SOBP: variants seen among roughly 807,000 people sequenced by gnomAD.
SOBP encodes the protein sine oculis-binding protein homolog.
In SOBP, 4 loss-of-function variants were observed where a neutral mutation model predicts 53.6. The observed-to-expected ratio is 0.07, with a 90% CI of 0.04 to 0.17. The LOEUF is 0.17. SOBP is among the 10% of genes least tolerant of loss of function. The pLI is 1.00. For missense variants in SOBP, 1,088 were observed against 1,204.7 expected (o/e 0.90, Z 1.43); for synonymous variants, 584 against 522.6 (o/e 1.12, Z -1.60).
chr6:107,510,108 T>C (rs1031529643), intron 3 of SOBP, among the ~76,000 whole-genome samples: 1 of 152,332 alleles, frequency 6.6e-6, no homozygotes, highest in African/African-American at 2.4e-5. Context: ...GATAGTATTT[T>C]AGACTTTTTA....
chr6:107,516,307 C>G (rs970810962), intron 3 of SOBP, among the ~76,000 whole-genome samples: 14 of 151,984 alleles, frequency 9.2e-5, no homozygotes, highest in African/African-American at 3.1e-4. Flanking sequence ...ACTAAAAATA[C>G]AAAAATTAGT....
chr6:107,534,809 G>A (rs1164341124), intron 4 of SOBP, among the ~76,000 whole-genome samples: 4 of 152,226 alleles, frequency 2.6e-5, no homozygotes, highest in Admixed American at 2.6e-4. Context: ...ACTGTCAGCA[G>A]TCAAGTTCAC....
intron 4 of SOBP, among the ~76,000 whole-genome samples, chr6:107,547,428 C>A (rs1044665357): frequency 6.6e-6 from 1 of 152,158 alleles, no homozygotes; most frequent in Non-Finnish European, 1.5e-5. Flanking sequence ...AAGCTATGTC[C>A]CTTCTCACAG....
intron 5 of SOBP, among the ~76,000 whole-genome samples, chr6:107,622,826 T>C (rs1319886560): frequency 6.6e-6 from 1 of 152,222 alleles, no homozygotes. Context: ...GTATAAAATA[T>C]GGAGCAGACA....
At chr6:107,495,035 T>A (rs554981709) in intron 1 of SOBP, among the ~76,000 whole-genome samples, 1 of 152,304 alleles carries the variant, frequency 6.6e-6, no homozygotes, top group East Asian at 1.9e-4. Context: ...TTAAAACAGG[T>A]ATATTTTAAG....
intron 4 of SOBP, among the ~76,000 whole-genome samples, chr6:107,565,609 G>T (rs1302374332): frequency 1.3e-5 from 2 of 152,188 alleles, no homozygotes; most frequent in Non-Finnish European, 2.9e-5. Context: ...GAATGAGATA[G>T]GTGTGGGATG....
Position 107,634,559 on chromosome 6 carries a change from C to T in SOBP, c.1715C>T (p.Ala572Val). ...FIPNAPGDSAAAGGKPSGHSL... is the reference protein window; with the variant it reads ...FIPNAPGDSAVAGGKPSGHSL... The stretch of plus-strand genomic sequence containing the variant: ...CCGAACGCCCCTGGCGACTCCGCGG[C>T]GGCGGGCGGCAAGCCAAGCGGACAC... The change falls in exon 6 of 7, where the codon GCG becomes GTG. Residue 572 changes from alanine (A) to valine (V), a missense_variant. By Grantham distance (64) the Ala-to-Val change is moderately conservative. This residue lies in a region of SOBP where 665 missense variants were observed against 629.7 expected (regional missense o/e 1.06). Transcript: ENST00000317357. The surrounding 1 kb of genome is among the most constrained non-coding windows in gnomAD (Gnocchi z 4.5). 6.2e-6 allele frequency: 10 copies of T among 1,607,108 alleles called. No homozygotes were observed. The highest frequency in any genetic ancestry group is 8.5e-6 in the Non-Finnish European group (10 of 1,179,756).
At chr6:107,633,398 C>T in intron 5 of SOBP, 116 bp from the exon 6 acceptor site, 3 of 1,267,756 alleles carry the variant, frequency 2.4e-6, no homozygotes, top group Non-Finnish European at 2.3e-6. Context: ...AACAGTTCTG[C>T]CTGTTTGAGA....
intron 3 of SOBP, among the ~76,000 whole-genome samples, chr6:107,521,221 A>G (rs1335029776): frequency 4.0e-5 from 6 of 148,908 alleles, no homozygotes; most frequent in Non-Finnish European, 8.9e-5. Flanking sequence ...TTTACACCAT[A>G]TCAAATGCAG....
intron 4 of SOBP, among the ~76,000 whole-genome samples, chr6:107,538,109 G>T (rs898777902): frequency 1.3e-5 from 2 of 152,156 alleles, no homozygotes; most frequent in East Asian, 3.9e-4. Flanking sequence ...CTTCTTAGAA[G>T]ACATTTCTTT....
intron 3 of SOBP, chr6:107,529,386 C>T (rs568909795): frequency 1.9e-5 from 18 of 943,980 alleles, no homozygotes; most frequent in African/African-American, 1.6e-4. Context: ...CAGGAGTCTC[C>T]TCAGACTGCC....
chr6:107,526,685 C>A (rs1327255948), intron 3 of SOBP, among the ~76,000 whole-genome samples: 1 of 152,154 alleles, frequency 6.6e-6, no homozygotes, highest in African/African-American at 2.4e-5. Context: ...TTCTTTATAT[C>A]TGTATCTATG....
chr6:107,640,356 T>C (rs1364107647), intron 6 of SOBP, among the ~76,000 whole-genome samples: 2 of 152,210 alleles, frequency 1.3e-5, no homozygotes, highest in Non-Finnish European at 2.9e-5. Flanking sequence ...GTGTCAGACT[T>C]GTGCTATCTA....
At chr6:107,601,231 A>T (rs1278081244) in intron 5 of SOBP, among the ~76,000 whole-genome samples, 2 of 152,108 alleles carry the variant, frequency 1.3e-5, no homozygotes, top group African/African-American at 4.8e-5. Context: ...TAGAAGCAGA[A>T]GCTGTGGCAG....
chr6:107,506,379 C>A lies in SOBP; in HGVS notation c.373C>A (p.Pro125Thr). ...AGGGTCAAAGGATCATGGCAGTGTG[C>A]CCATTATTGTACCTTTAATTCCACC... ...PAGSKDHGSV[P>T]IIVPLIPPPF... Residue 125 changes from proline (P) to threonine (T), a missense_variant, in exon 3 of 7, where the codon CCC becomes ACC. Coordinates refer to ENST00000317357, the MANE Select transcript of SOBP (RefSeq NM_018013.4). 6.2e-7 allele frequency: 1 copy of A among 1,614,160 alleles called. No homozygotes were observed. The highest frequency in any genetic ancestry group is 8.5e-7 in the Non-Finnish European group (1 of 1,180,030).
chr6:107,638,937 C>G (rs1294717454), intron 6 of SOBP, among the ~76,000 whole-genome samples: 1 of 151,982 alleles, frequency 6.6e-6, no homozygotes, highest in East Asian at 1.9e-4. Context: ...CAGTCTTGGT[C>G]TGTTGCCCAG....
chr6:107,595,350 C>CTTTTTTTTTT (rs745477007), intron 5 of SOBP, among the ~76,000 whole-genome samples: 3 of 88,126 alleles, frequency 3.4e-5, no homozygotes, highest in Admixed American at 1.4e-4. Context: ...GATTTTGATC[C>CTTTTTTTTTT]TTTTTTTTTT....
intron 5 of SOBP, among the ~76,000 whole-genome samples, chr6:107,589,320 CCA>C (rs1785669084): frequency 6.6e-6 from 1 of 152,148 alleles, no homozygotes; most frequent in Admixed American, 6.5e-5. Flanking sequence ...GTCCTCTGTG[CCA>C]CAGACACTGA....
rs1771005212 is a variant in SOBP at position 107,635,525 on chromosome 6, C to T, written c.*3+56C>T. On this transcript the variant is annotated intron_variant, in intron 6 of 6. Transcript: ENST00000317357. The surrounding 1 kb of genome is among the most constrained non-coding windows in gnomAD (Gnocchi z 4.5). Reference sequence around the variant, plus strand: ...CCAGCCAGTGCACCTCTCCTTACTTCTGACAAGGCAGAGGGGAGAGTTGTA... The same window carrying T: ...CCAGCCAGTGCACCTCTCCTTACTTTTGACAAGGCAGAGGGGAGAGTTGTA... The T allele has an allele frequency of 1.2e-6, 2 of 1,601,880 alleles. No homozygotes were observed. The highest frequency in any genetic ancestry group is 3.3e-5 in the Admixed American group (2 of 59,986).
Sources: allele counts gnomAD v4.1 joint callset (sites outside exome capture counted in the v4.1 genomes callset), GRCh38; gene constraint gnomAD v4.1.1; regional missense constraint gnomAD v4.1.1; non-coding constraint Gnocchi (gnomAD v3.1); transcripts MANE v1.5; gene names NCBI Gene and HGNC (gene_info 2026-07-23, HGNC 2026-07-21).